Variants in SCOC observed in about 807,000 individuals in gnomAD.
SCOC encodes the protein short coiled coil protein.
A neutral mutation model predicts 9.9 loss-of-function variants in SCOC; 7 were observed. The ratio of observed to expected loss-of-function variants is 0.71; its 90% CI spans 0.40 to 1.33. The LOEUF is 1.33. Among genes scored for constraint, SCOC ranks in the 40% most tolerant of loss-of-function variants. SCOC has a pLI of 0.01. For synonymous variants in SCOC, 19 were observed against 28.2 expected, an observed-to-expected ratio of 0.67 and a Z score of 1.03; for missense variants, 66 against 89.7, an observed-to-expected ratio of 0.74 and a Z score of 1.07.
chr4:140,380,603 G>C (rs776087893), intron 3 of SCOC, among the ~76,000 whole-genome samples: 2 of 152,146 alleles, frequency 1.3e-5, no homozygotes, highest in Non-Finnish European at 2.9e-5. Flanking sequence ...CCTGTATTCA[G>C]TATATGAATT....
chr4:140,368,096 T>C (rs555476756), intron 2 of SCOC, among the ~76,000 whole-genome samples: 1 of 152,206 alleles, frequency 6.6e-6, no homozygotes, highest in East Asian at 1.9e-4. Flanking sequence ...CTGTACAGTA[T>C]CTAGCTCACG....
intron 2 of SCOC, among the ~76,000 whole-genome samples, chr4:140,362,123 G>GA (rs1253346697): frequency 9.3e-6 from 1 of 108,012 alleles, no homozygotes; most frequent in Non-Finnish European, 2.1e-5. Flanking sequence ...TGCCTTCACT[G>GA]AAGAAGGAAA....
chr4:140,282,587 C>A (rs576248428), intron 1 of SCOC, among the ~76,000 whole-genome samples: 2 of 152,074 alleles, frequency 1.3e-5, no homozygotes, highest in Non-Finnish European at 2.9e-5. Flanking sequence ...AAAGAGAATA[C>A]GCTTGCTCAT....
intron 1 of SCOC, among the ~76,000 whole-genome samples, chr4:140,299,499 T>C (rs1731752836): frequency 6.6e-6 from 1 of 152,214 alleles, no homozygotes. Flanking sequence ...AGAAGCTAAA[T>C]AGAACACTAG....
At chr4:140,292,904 G>C (rs1731516710) in intron 1 of SCOC, among the ~76,000 whole-genome samples, 1 of 152,170 alleles carries the variant, frequency 6.6e-6, no homozygotes, top group Non-Finnish European at 1.5e-5. Context: ...CTGGGGCTTT[G>C]AAACTTTAAT....
At chr4:140,309,661 C>T (rs138080362) in intron 1 of SCOC, among the ~76,000 whole-genome samples, 125 of 152,330 alleles carry the variant, frequency 8.2e-4, no homozygotes, top group African/African-American at 3.0e-3. Flanking sequence ...CCTATTACCT[C>T]ATGATAACAT....
chr4:140,348,335 T>A (rs1560712900), intron 2 of SCOC, among the ~76,000 whole-genome samples: 1 of 152,146 alleles, frequency 6.6e-6, no homozygotes, highest in Non-Finnish European at 1.5e-5. Context: ...CCTCTGATAA[T>A]CATCATTGTA....
At chr4:140,337,377 GA>G (rs1295366973) in intron 1 of SCOC, among the ~76,000 whole-genome samples, 1 of 151,976 alleles carries the variant, frequency 6.6e-6, no homozygotes, top group Non-Finnish European at 1.5e-5. Flanking sequence ...GAGCAATACT[GA>G]AAAAGAAAAA....
intron 1 of SCOC, among the ~76,000 whole-genome samples, chr4:140,297,204 C>T (rs1226949864): frequency 6.6e-6 from 1 of 151,730 alleles, no homozygotes; most frequent in Non-Finnish European, 1.5e-5. Context: ...AATTTGCTGC[C>T]GTTTGCAAGG....
chr4:140,340,113 A>G (rs1048565154), upstream of SCOC, among the ~76,000 whole-genome samples: 7 of 152,208 alleles, frequency 4.6e-5, no homozygotes, highest in African/African-American at 1.7e-4. Flanking sequence ...ATGGAATACT[A>G]TGCAGCCATA....
intron 2 of SCOC, among the ~76,000 whole-genome samples, chr4:140,361,125 G>A (rs1039294627): frequency 3.9e-5 from 6 of 152,008 alleles, no homozygotes; most frequent in African/African-American, 1.5e-4. Context: ...ACCATGCCAG[G>A]CAACTTCTCT....
At chr4:140,306,316 G>A (rs1003445581) in intron 1 of SCOC, among the ~76,000 whole-genome samples, 7 of 152,078 alleles carry the variant, frequency 4.6e-5, no homozygotes, top group East Asian at 1.9e-4. Context: ...ACCTCTCATC[G>A]GGTCTTTCCC....
intron 1 of SCOC, among the ~76,000 whole-genome samples, chr4:140,270,472 T>C (rs1048955573): frequency 2.6e-5 from 4 of 152,136 alleles, no homozygotes; most frequent in Admixed American, 1.3e-4. Flanking sequence ...TAGCTGGGAC[T>C]GCAGGCACGT....
At chr4:140,348,127 T>A (rs1298529154) in intron 2 of SCOC, among the ~76,000 whole-genome samples, 2 of 149,164 alleles carry the variant, frequency 1.3e-5, no homozygotes, top group Admixed American at 6.6e-5. Context: ...AATGAACATA[T>A]AATTTACCTC....
intron 1 of SCOC, among the ~76,000 whole-genome samples, chr4:140,303,151 T>A (rs2126455305): frequency 6.6e-6 from 1 of 152,258 alleles, no homozygotes; most frequent in African/African-American, 2.4e-5. Flanking sequence ...AAAAAAAAGC[T>A]TTCTTTAGGG....
At position 140,379,792 on chromosome 4, in the gene SCOC, C is replaced by A. The variant is rs77040240; in HGVS notation, c.106+140C>A. 727 of 609,340 alleles carry A rather than the reference C, an allele frequency of 1.2e-3. 3 individuals are homozygous for A. Among genetic ancestry groups the A allele is most frequent in the African/African-American group, 0.012 (618 of 53,334 alleles). 37.7% of individuals were successfully genotyped at this position (609,340 alleles called of 1,614,324 possible). ...AAAGTACACACATATATATATCTAT[C>A]TTCCTGCTTTGGTAGTTTAAAGAAC... On this transcript the variant is annotated intron_variant, in intron 3 of 3. Coordinates refer to ENST00000608372, the MANE Select transcript of SCOC (RefSeq NM_001153484.2).
chr4:140,373,754 A>C (rs539829912), intron 1 of SCOC, 37 bp downstream of exon 1: 1 of 1,529,768 alleles, frequency 6.5e-7, no homozygotes, highest in Admixed American at 2.0e-5. Context: ...GCCTGGCCCC[A>C]GGCGACTAGA....
chr4:140,258,618 T>C (rs1472088939), intron 1 of SCOC, among the ~76,000 whole-genome samples: 1 of 152,188 alleles, frequency 6.6e-6, no homozygotes, highest in Non-Finnish European at 1.5e-5. Flanking sequence ...GATTCATTCA[T>C]TGTAGAAGCT....
chr4:140,330,254 T>C (rs1732772662), intron 1 of SCOC, among the ~76,000 whole-genome samples: 1 of 152,166 alleles, frequency 6.6e-6, no homozygotes. Context: ...GCTATGAAGA[T>C]ACAAATCTTC....
Sources: allele counts gnomAD v4.1 joint callset (sites outside exome capture counted in the v4.1 genomes callset), GRCh38; gene constraint gnomAD v4.1.1; transcripts MANE v1.5; gene names NCBI Gene and HGNC (gene_info 2026-07-23, HGNC 2026-07-21).